PTGER3: variants seen among roughly 807,000 people sequenced by gnomAD.
The protein encoded by PTGER3 is prostaglandin E receptor 3, also known as prostaglandin E2 receptor EP3 subtype.
PTGER3 carries 22 observed loss-of-function variants against 34.7 expected under a neutral mutation model. The observed-to-expected ratio is 0.63, with a 90% CI of 0.45 to 0.91. The LOEUF (loss-of-function observed/expected upper bound fraction) is 0.91. PTGER3 is among the 40% of genes least tolerant of loss of function. PTGER3 has a pLI of 0.00. For missense variants in PTGER3, 468 were observed against 519.4 expected (o/e 0.90, Z 0.96); for synonymous variants, 241 against 230.1 (o/e 1.05, Z -0.43).
rs551827675 is a variant in PTGER3, at chr1:71,040,430, C to T, written c.897+6251G>A. 5.7e-4 allele frequency among the ~76,000 whole-genome samples: 86 copies of T among 151,496 alleles called. No individual in the cohort carries two copies. The South Asian group carries it at 6.7e-3, about 12-fold the overall frequency. ...CAAACTGCCCAACATGGTGAAATCCCGTCTCTAGTAAAAAAAAAATACAAA... is the reference window on the plus strand; with the variant it reads ...CAAACTGCCCAACATGGTGAAATCCTGTCTCTAGTAAAAAAAAAATACAAA... On this transcript the variant is annotated intron_variant, in intron 1 of 3. Coordinates refer to ENST00000306666, the MANE Select transcript of PTGER3 (RefSeq NM_198719.2).
At chr1:70,852,789 A>T (rs1014371851) in exon 5 of PTGER3, 2 of 1,603,002 alleles carry the variant, frequency 1.2e-6, no homozygotes, top group African/African-American at 2.7e-5. Context: ...CTTTTACAAA[A>T]AGAGAGTCAT....
In PTGER3 at chr1:71,005,819, T is replaced by C. The variant is rs114278916; in HGVS notation, c.1077+6486A>G. On this transcript the variant is annotated intron_variant, in intron 2 of 3. Transcript: ENST00000306666. ...ATGGCCTGTAGGTTTACCAGCATGA[T>C]GGTGGAAATTTCGGGTGAGCCATAG... is the stretch of plus-strand genomic sequence containing the variant. The C allele has an allele frequency of 6.7e-4, 640 of 948,312 alleles. 3 individuals are homozygous for C. In the African/African-American group the frequency reaches 0.011, roughly 16 times the overall value. The allele number at this position is 948,312 out of a possible 1,614,324, so 58.7% of individuals were successfully genotyped here. A position where few individuals can be genotyped will look rare whatever the true frequency, so the allele number is the denominator to read the frequency against.
chr1:70,943,848 GA>G (rs1227077883), intron 4 of PTGER3, among the ~76,000 whole-genome samples: 23 of 25,272 alleles, frequency 9.1e-4, no homozygotes, highest in Admixed American at 7.7e-3. Flanking sequence ...GAGAGAGAGG[GA>G]GAGAGAGAGA....
intron 2 of PTGER3, chr1:71,002,205 C>T (rs1045460005): frequency 2.0e-5 from 3 of 152,176 alleles, no homozygotes; most frequent in African/African-American, 4.8e-5. Context: ...GAGGCTGCAA[C>T]GAGTTATGAT....
At chr1:70,949,567 TGAAA>T (rs2100576764), downstream of PTGER3, among the ~76,000 whole-genome samples, 1 of 152,240 alleles carries the variant, frequency 6.6e-6, no homozygotes, top group South Asian at 2.1e-4. Context: ...GTAAGCCTTG[TGAAA>T]GAGTTTGGAA....
chr1:70,952,469 A>G (rs1445062745), exon 4 of PTGER3: 2 of 985,988 alleles, frequency 2.0e-6, no homozygotes, highest in Non-Finnish European at 1.2e-6. Flanking sequence ...AACCTGAACA[A>G]ATAACAGATT....
chr1:70,864,012 G>A (rs984063824), intron 4 of PTGER3, among the ~76,000 whole-genome samples: 2 of 152,036 alleles, frequency 1.3e-5, no homozygotes, highest in African/African-American at 4.8e-5. Flanking sequence ...AGAGCAGTGG[G>A]GACGATCATT....
chr1:70,923,218 T>C (rs1051371685), intron 4 of PTGER3, among the ~76,000 whole-genome samples: 4 of 151,998 alleles, frequency 2.6e-5, no homozygotes, highest in Non-Finnish European at 5.9e-5. Context: ...GGTTTTTTTT[T>C]TTGGCTCTAT....
chr1:71,038,597 A>G (rs183269669), intron 1 of PTGER3, among the ~76,000 whole-genome samples: 2 of 152,360 alleles, frequency 1.3e-5, no homozygotes, highest in African/African-American at 4.8e-5. Flanking sequence ...TTGGATTTTA[A>G]GTAAGCACCC....
chr1:70,890,701 CCTCCCTGACCTA>C (rs1646597840), intron 4 of PTGER3, among the ~76,000 whole-genome samples: 1 of 152,146 alleles, frequency 6.6e-6, no homozygotes, highest in Admixed American at 6.5e-5. Flanking sequence ...CACACACAGC[CCTCCCTGACCTA>C]TCCTTCATGG....
At chr1:70,988,578 G>A (rs1220922405) in intron 2 of PTGER3, among the ~76,000 whole-genome samples, 4 of 152,080 alleles carry the variant, frequency 2.6e-5, no homozygotes, top group Non-Finnish European at 4.4e-5. Flanking sequence ...GCTGGAGCTC[G>A]AGCAGCTATA....
Position 71,009,412 on chromosome 1 carries a change from A to G in PTGER3, c.1077+2893T>C, listed in dbSNP as rs5690. 2,272 of 981,136 alleles carry G rather than the reference A, an allele frequency of 2.3e-3. 54 individuals carry two copies. The African/African-American group carries it at 0.037, about 16-fold the overall frequency. The allele number at this position is 981,136 out of a possible 1,614,324, so 60.8% of individuals were successfully genotyped here. ...TTACATTTACCTAAAATATCTTGGG[A>G]TATATACAGCACTAGGTTAACTTGG... On this transcript the variant is annotated intron_variant, in intron 2 of 3. Transcript: ENST00000306666.
At chr1:70,873,639 T>C (rs1646211432) in intron 4 of PTGER3, among the ~76,000 whole-genome samples, 1 of 151,002 alleles carries the variant, frequency 6.6e-6, no homozygotes, top group Non-Finnish European at 1.5e-5. Context: ...TTAGTGGCGA[T>C]ATGTGAGGTG....
At position 70,932,715 on chromosome 1, in the gene PTGER3, G is replaced by A. The variant is rs143353360; in HGVS notation, c.*23+21048C>T. Among the ~76,000 whole-genome samples, 238 of 152,196 alleles carry A rather than the reference G, an allele frequency of 1.6e-3. 1 individual carries two copies. The highest frequency in any genetic ancestry group is 0.013 in the Admixed American group (199 of 15,296). ...CACCTGGTCCCTCCCACAACACGTGGGAATTATGGGAGTACAAGTCAAGAT... is the reference window on the plus strand; with the variant it reads ...CACCTGGTCCCTCCCACAACACGTGAGAATTATGGGAGTACAAGTCAAGAT... On this transcript the variant is annotated intron_variant, in intron 4 of 4. Transcript: ENST00000370931.
At chr1:71,024,818 G>A (rs1658754726) in intron 1 of PTGER3, among the ~76,000 whole-genome samples, 2 of 151,400 alleles carry the variant, frequency 1.3e-5, no homozygotes, top group Non-Finnish European at 2.9e-5. Context: ...ACCTCCCAGT[G>A]TGCTGGGATT....
intron 1 of PTGER3, among the ~76,000 whole-genome samples, chr1:71,042,721 T>C (rs1660424607): frequency 6.6e-6 from 1 of 152,186 alleles, no homozygotes; most frequent in Non-Finnish European, 1.5e-5. Context: ...ATCTACCACA[T>C]GTGGCATATT....
chr1:71,015,320 G>T (rs559157473), intron 1 of PTGER3, among the ~76,000 whole-genome samples: 1 of 152,278 alleles, frequency 6.6e-6, no homozygotes, highest in African/African-American at 2.4e-5. Context: ...AAGAAAATGT[G>T]GGTCTCTAAG....
At chr1:70,854,768 T>C (rs1572458497) in intron 4 of PTGER3, among the ~76,000 whole-genome samples, 4 of 152,308 alleles carry the variant, frequency 2.6e-5, no homozygotes, top group African/African-American at 9.6e-5. Context: ...CAGGTAGTTC[T>C]TTATAGCAGT....
intron 4 of PTGER3, among the ~76,000 whole-genome samples, chr1:70,924,497 G>A (rs1283552358): frequency 6.6e-6 from 1 of 152,134 alleles, no homozygotes; most frequent in Non-Finnish European, 1.5e-5. Context: ...CAACCAAGAG[G>A]GATGGGTAAT....
Sources: gnomAD v4.1 joint callset for allele counts (sites outside exome capture counted in the v4.1 genomes callset) on GRCh38, gnomAD v4.1.1 for gene constraint, MANE v1.5 for transcripts, NCBI Gene and HGNC (gene_info 2026-07-23, HGNC 2026-07-21) for gene names.